DEAF1: variants seen among roughly 807,000 people sequenced by gnomAD.
DEAF1 encodes deformed epidermal autoregulatory factor 1 homolog.
In DEAF1, 53 loss-of-function variants were observed where a neutral mutation model predicts 58.9. The observed-to-expected ratio is 0.90, with a 90% CI of 0.72 to 1.13. The LOEUF is 1.13. Among genes scored for constraint, DEAF1 ranks in the 50% most tolerant of loss-of-function variants. DEAF1 has a pLI of 0.00. For missense variants in DEAF1, 685 were observed against 791.4 expected, an observed-to-expected ratio of 0.87 and a Z score of 1.61; for synonymous variants, 385 against 340.4, an observed-to-expected ratio of 1.13 and a Z score of -1.44.
At chr11:704,655 GAT>G in intron 1 of DEAF1, 1 of 1,288,582 alleles carries the variant, frequency 7.8e-7, no homozygotes, top group South Asian at 1.2e-5. Context: ...AATGGATCCT[GAT>G]ACCTCCAGTC....
chr11:703,746 G>A (rs947195969), intron 1 of DEAF1: 3 of 1,232,648 alleles, frequency 2.4e-6, no homozygotes, highest in Admixed American at 4.2e-5. Context: ...ATGCAAACAA[G>A]CCAACAGCTC....
chr11:649,223 C>A (rs1279901341), intron 11 of DEAF1, among the ~76,000 whole-genome samples: 1 of 151,946 alleles, frequency 6.6e-6, no homozygotes, highest in Non-Finnish European at 1.5e-5. Flanking sequence ...TGCACTCTAG[C>A]CTGGGCAACC....
In DEAF1 at chr11:684,910, G is replaced by A. The variant is rs140533922; in HGVS notation, c.858C>T (p.Asp286=). The part of the protein sequence containing the change: ...AASCTCAACC[D]DMTLSGPVRL... ...GCTGGCCACTTACTAAGGTCATGTC[G>A]TCGCAGCAGGCAGCACAGGTGCAAG... Residue 286 remains aspartate, a synonymous_variant, in exon 6 of 12, where the codon GAC becomes GAT. Coordinates refer to ENST00000382409, the MANE Select transcript of DEAF1 (RefSeq NM_021008.4). 101 of 1,551,478 alleles carry A rather than the reference G, an allele frequency of 6.5e-5. No homozygotes were observed. The African/African-American group carries it at 9.7e-4, about 15-fold the overall frequency.
intron 7 of DEAF1, 93 bp downstream of exon 7, chr11:680,870 G>C: frequency 6.4e-7 from 1 of 1,563,756 alleles, no homozygotes; most frequent in Non-Finnish European, 8.8e-7. Context: ...CTTTAGAAGT[G>C]AGAATCCCGC....
intron 10 of DEAF1, among the ~76,000 whole-genome samples, chr11:658,324 G>A (rs1049998057): frequency 4.6e-5 from 7 of 152,168 alleles, no homozygotes; most frequent in Non-Finnish European, 7.3e-5. Context: ...GGCTACTCGC[G>A]AGGCTAAGGC....
At chr11:694,183 G>A (rs1417764742) in intron 1 of DEAF1, among the ~76,000 whole-genome samples, 1 of 152,016 alleles carries the variant, frequency 6.6e-6, no homozygotes, top group African/African-American at 2.4e-5. Flanking sequence ...AGCTGCACAG[G>A]GGGGACCAGT....
chr11:704,560 G>T (rs1400692125), intron 1 of DEAF1: 2 of 1,289,254 alleles, frequency 1.6e-6, no homozygotes, highest in East Asian at 5.6e-5. Flanking sequence ...GGGCACACCT[G>T]CCATCTGGAG....
Position 688,510 on chromosome 11 carries a change from C to T in DEAF1, c.388-50G>A, listed in dbSNP as rs201275357. On this transcript the variant is annotated intron_variant, in intron 2 of 11. Coordinates refer to ENST00000382409, the MANE Select transcript of DEAF1 (RefSeq NM_021008.4). This position sits in a 1 kb window ranked among gnomAD's most constrained non-coding sequence, Gnocchi z 4.3. ...GGTCACGTCCGAGAGTGACACCAGG[C>T]GTGTCACTGAGCCCAGCTGGGCCGT... 2.4e-5 allele frequency: 38 copies of T among 1,610,394 alleles called. No individual in the cohort carries two copies. The Middle Eastern group carries it at 6.6e-4, about 28-fold the overall frequency.
At chr11:658,236 G>C (rs1859151593) in intron 10 of DEAF1, among the ~76,000 whole-genome samples, 1 of 152,170 alleles carries the variant, frequency 6.6e-6, no homozygotes. Context: ...AGACCATCCT[G>C]GCTAACACGG....
intron 1 of DEAF1, among the ~76,000 whole-genome samples, chr11:691,890 T>G (rs1269009574): frequency 6.6e-6 from 1 of 152,074 alleles, no homozygotes; most frequent in Admixed American, 6.6e-5. Context: ...CCCAGCTCTA[T>G]CAAACCACCA....
intron 2 of DEAF1, 27 bp downstream of exon 2, chr11:691,474 T>A: frequency 6.2e-7 from 1 of 1,605,518 alleles, no homozygotes; most frequent in Non-Finnish European, 8.5e-7. Context: ...CCACCCGCCC[T>A]GGGCTGTGCC....
rs1174622712 is a variant in DEAF1, at chr11:678,693, C to T, written c.1255+1G>A. 6.2e-7 allele frequency: 1 copy of T among 1,613,950 alleles called. No homozygotes were observed. Among genetic ancestry groups the T allele is most frequent in the Non-Finnish European group, 8.5e-7 (1 of 1,179,964 alleles). On this transcript the variant is annotated splice_donor_variant, in intron 9 of 11. Transcript: ENST00000382409. LOFTEE classifies it high-confidence loss of function. ...ACATGTGTGAATTCTTTCAAACCTA[C>T]CTATTTTGGGATGTGACGTTGGCAA...
At chr11:684,747 G>A in intron 6 of DEAF1, 151 bp downstream of exon 6, 1 of 724,878 alleles carries the variant, frequency 1.4e-6, no homozygotes, top group Admixed American at 2.0e-5. Flanking sequence ...CAGGGAGGAG[G>A]GAACAGAGCA....
intron 10 of DEAF1, among the ~76,000 whole-genome samples, chr11:668,933 C>A (rs747820539): frequency 7.9e-5 from 12 of 152,164 alleles, no homozygotes; most frequent in Non-Finnish European, 1.8e-4. Flanking sequence ...TCATGCCATT[C>A]TCCTGCCTCA....
intron 10 of DEAF1, among the ~76,000 whole-genome samples, chr11:671,220 G>C (rs189915255): frequency 8.6e-5 from 13 of 150,410 alleles, no homozygotes; most frequent in Non-Finnish European, 8.9e-5. Flanking sequence ...GAGCCACCGC[G>C]CCTGGACTTT....
intron 7 of DEAF1, among the ~76,000 whole-genome samples, chr11:680,254 G>A (rs117079491): frequency 0.015 from 2,237 of 152,224 alleles, 31 homozygotes; most frequent in Admixed American, 0.031. Context: ...AAATCCTGGC[G>A]ACAGATCTTG....
At chr11:682,325 G>C (rs185308946) in intron 6 of DEAF1, among the ~76,000 whole-genome samples, 1 of 152,208 alleles carries the variant, frequency 6.6e-6, no homozygotes, top group Non-Finnish European at 1.5e-5. Context: ...TGAGAGGTTC[G>C]ATCTTGAAGG....
At chr11:675,160 GGGC>G (rs1408835867) in intron 9 of DEAF1, among the ~76,000 whole-genome samples, 1 of 109,776 alleles carries the variant, frequency 9.1e-6, no homozygotes, top group Non-Finnish European at 2.2e-5. Context: ...ACTCCAGCCT[GGGC>G]AACAGAGTGA....
intron 10 of DEAF1, among the ~76,000 whole-genome samples, chr11:658,627 A>C (rs540667541): frequency 3.3e-5 from 5 of 152,380 alleles, no homozygotes; most frequent in South Asian, 4.1e-4. Context: ...GCGCCCCAAG[A>C]AGCTCATGCT....
Sources: allele counts gnomAD v4.1 joint callset (sites outside exome capture counted in the v4.1 genomes callset), GRCh38; gene constraint gnomAD v4.1.1; non-coding constraint Gnocchi (gnomAD v3.1); transcripts MANE v1.5; gene names NCBI Gene and HGNC (gene_info 2026-07-23, HGNC 2026-07-21).